The following DNAH7 variants were observed in gnomAD, a reference collection of about 807,000 sequenced individuals.
DNAH7 encodes axonemal beta dynein heavy chain 7.
DNAH7 carries 397 observed loss-of-function variants against 444.6 expected under a neutral mutation model. That is an observed-to-expected ratio of 0.89 (90% CI 0.82 to 0.97). The LOEUF (loss-of-function observed/expected upper bound fraction) is 0.97, where lower values mean the gene tolerates loss of function less well. Among genes scored for constraint, DNAH7 ranks in the 50% least tolerant of loss-of-function variants. DNAH7 has a pLI of 0.00. For missense variants in DNAH7, 4,902 were observed against 4,800.8 expected (o/e 1.02, Z -0.62); for synonymous variants, 1,636 against 1,624.4 (o/e 1.01, Z -0.17).
rs1471974511 is a variant in DNAH7, at chr2:195,886,173, T to C, written c.5506A>G (p.Arg1836Gly). The change falls in exon 34 of 65, where the codon AGA (arginine) becomes GGA (glycine). Residue 1836 changes from arginine to glycine, a missense_variant. Coordinates refer to ENST00000312428, the MANE Select transcript of DNAH7 (RefSeq NM_018897.3). ...AAAGAGTAAGTTTCTCGATCATTTC[T>C]CTCCTTTAGTTTGACTTCATCAGCA... ...DFADEVKLKE[R>G]NDRETYSLLE... 6 of 1,613,688 alleles carry C rather than the reference T, an allele frequency of 3.7e-6. No homozygotes were observed. The highest frequency in any genetic ancestry group is 5.1e-6 in the Non-Finnish European group (6 of 1,179,810).
chr2:196,019,806 G>A (rs1214224823), intron 8 of DNAH7, among the ~76,000 whole-genome samples: 7 of 152,094 alleles, frequency 4.6e-5, no homozygotes, highest in Admixed American at 4.6e-4. Flanking sequence ...AAACACTAAC[G>A]TTTTTATTTG....
At chr2:196,020,364 T>C (rs1276178101) in intron 8 of DNAH7, among the ~76,000 whole-genome samples, 2 of 152,166 alleles carry the variant, frequency 1.3e-5, no homozygotes, top group African/African-American at 4.8e-5. Flanking sequence ...CTTATGACTT[T>C]AATAATCATC....
chr2:195,955,816 CCTT>C (rs1377372714), intron 19 of DNAH7, among the ~76,000 whole-genome samples: 6 of 152,026 alleles, frequency 3.9e-5, no homozygotes, highest in Admixed American at 1.3e-4. Context: ...AAAAAATTCT[CCTT>C]CATCACCTTC....
chr2:196,058,761 G>T (rs1199000069), intron 1 of DNAH7, among the ~76,000 whole-genome samples: 1 of 152,092 alleles, frequency 6.6e-6, no homozygotes, highest in Non-Finnish European at 1.5e-5. Context: ...AATACACCCT[G>T]AAAATATTCT....
intron 24 of DNAH7, among the ~76,000 whole-genome samples, chr2:195,915,538 G>C (rs970781901): frequency 6.6e-6 from 1 of 152,186 alleles, no homozygotes; most frequent in Non-Finnish European, 1.5e-5. Flanking sequence ...GAGCCAATGA[G>C]AAGAAAAGAG....
At chr2:195,867,936 C>T (rs946975975) in intron 40 of DNAH7, among the ~76,000 whole-genome samples, 1 of 151,980 alleles carries the variant, frequency 6.6e-6, no homozygotes, top group Non-Finnish European at 1.5e-5. Context: ...CTTCTGGGTC[C>T]ACAGTTAGGA....
chr2:195,875,311 A>G (rs1215555371), intron 38 of DNAH7, among the ~76,000 whole-genome samples: 1 of 152,210 alleles, frequency 6.6e-6, no homozygotes, highest in African/African-American at 2.4e-5. Flanking sequence ...ATGCCCCAGG[A>G]CGATGTGAGT....
intron 27 of DNAH7, chr2:195,902,542 G>A (rs1218320066): frequency 6.6e-6 from 1 of 152,118 alleles, no homozygotes; most frequent in South Asian, 2.1e-4. Flanking sequence ...TTCTACAATA[G>A]CACAAATTCC....
chr2:195,967,856 C>T (rs1337973021), intron 17 of DNAH7, among the ~76,000 whole-genome samples: 2 of 152,154 alleles, frequency 1.3e-5, no homozygotes, highest in Admixed American at 6.5e-5. Flanking sequence ...GTTCTATAAC[C>T]TTGTACTTGA....
chr2:195,827,694 C>T (rs1697839788), intron 48 of DNAH7, among the ~76,000 whole-genome samples: 1 of 152,104 alleles, frequency 6.6e-6, no homozygotes. Context: ...AATCCTCCCA[C>T]CTCAACCTCA....
chr2:195,953,042 G>T (rs1559265396), intron 19 of DNAH7, among the ~76,000 whole-genome samples: 1 of 152,118 alleles, frequency 6.6e-6, no homozygotes, highest in African/African-American at 2.4e-5. Context: ...CAGCCTTTTT[G>T]CCTGGTTTTT....
chr2:195,785,731 G>T (rs1695587775), intron 58 of DNAH7, among the ~76,000 whole-genome samples: 1 of 151,874 alleles, frequency 6.6e-6, no homozygotes, highest in Admixed American at 6.6e-5. Flanking sequence ...TGTTAAACCA[G>T]TCTCGCATAC....
intron 24 of DNAH7, among the ~76,000 whole-genome samples, chr2:195,912,041 C>T (rs956755746): frequency 6.6e-6 from 1 of 152,156 alleles, no homozygotes; most frequent in African/African-American, 2.4e-5. Flanking sequence ...ACCATCTCAT[C>T]TTATCTTATA....
chr2:196,047,497 C>G lies in DNAH7; in HGVS notation c.253G>C (p.Glu85Gln). ...FSVKNEQSHA[E>Q]YMERFGKKGK... ...TTTTTTCCAAAACGTTCCATGTATT[C>G]AGCTTAAATTAAAACAAAAAAAAAA... is the stretch of plus-strand genomic sequence containing the variant. The change falls in exon 5 of 65, where the codon GAA becomes CAA. Residue 85 changes from glutamate to glutamine, a missense_variant and splice_region_variant. Transcript: ENST00000312428. 1 of 1,562,220 alleles carries G rather than the reference C, an allele frequency of 6.4e-7. No individual in the cohort carries two copies. Among genetic ancestry groups the G allele is most frequent in the South Asian group, 1.2e-5 (1 of 80,112 alleles).
At chr2:196,058,189 T>G (rs1697928626) in intron 1 of DNAH7, 73 bp from the exon 2 acceptor site, 1 of 1,234,428 alleles carries the variant, frequency 8.1e-7, no homozygotes, top group Non-Finnish European at 1.1e-6. Flanking sequence ...AACCAAATTT[T>G]ACAGTGTTTA....
intron 48 of DNAH7, among the ~76,000 whole-genome samples, chr2:195,828,444 G>A (rs866423321): frequency 6.6e-5 from 10 of 152,020 alleles, no homozygotes; most frequent in Middle Eastern, 3.4e-3. Flanking sequence ...AATTAGCCAG[G>A]TGTGGTGGCT....
intron 15 of DNAH7, among the ~76,000 whole-genome samples, chr2:195,979,679 T>A (rs994007466): frequency 6.6e-6 from 1 of 151,988 alleles, no homozygotes; most frequent in African/African-American, 2.4e-5. Flanking sequence ...AACTGAAAAG[T>A]TGGTTTTATG....
chr2:195,946,890 G>A (rs1033223363), intron 19 of DNAH7, among the ~76,000 whole-genome samples: 21 of 151,968 alleles, frequency 1.4e-4, no homozygotes, highest in African/African-American at 4.8e-4. Flanking sequence ...AGAAGACTGA[G>A]GATTTGAAAC....
Position 195,881,800 on chromosome 2 carries a change from T to C in DNAH7, c.5956A>G (p.Ile1986Val), listed in dbSNP as rs986181990. The C allele has an allele frequency of 6.2e-6, 10 of 1,613,602 alleles. No homozygotes were observed. Among genetic ancestry groups the C allele is most frequent in the African/African-American group, 4.0e-5 (3 of 74,944 alleles). The change falls in exon 36 of 65, where the codon ATT becomes GTT. Residue 1986 changes from isoleucine to valine, a missense_variant. Coordinates refer to ENST00000312428, the MANE Select transcript of DNAH7 (RefSeq NM_018897.3). ...GPTGTGKSVY[I>V]TNFLLNQLNK... The stretch of plus-strand genomic sequence containing the variant: ...CAGATTTCTGCAGTACTTACCGTAA[T>C]GTAAACACTTTTCCCAGTTCCTGTT...
Sources: allele counts gnomAD v4.1 joint callset (sites outside exome capture counted in the v4.1 genomes callset), GRCh38; gene constraint gnomAD v4.1.1; transcripts MANE v1.5; gene names NCBI Gene and HGNC (gene_info 2026-07-23, HGNC 2026-07-21).